The following ALPK2 variants were observed in gnomAD, a reference collection of about 807,000 sequenced individuals.
ALPK2 encodes alpha-protein kinase 2.
Under a neutral mutation model 163.1 loss-of-function variants are expected in ALPK2, and 127 were observed. That is an observed-to-expected ratio of 0.78 (90% CI 0.67 to 0.90). ALPK2 has a LOEUF of 0.90. Ranked by LOEUF, ALPK2 falls within the 40% of genes least tolerant of loss-of-function variation. ALPK2 has a pLI of 0.00. For missense variants in ALPK2, 2,360 were observed against 2,589.6 expected, an observed-to-expected ratio of 0.91 and a Z score of 1.92; for synonymous variants, 953 against 959.1, an observed-to-expected ratio of 0.99 and a Z score of 0.12.
chr18:58,606,065 T>A (rs991608743), intron 3 of ALPK2, among the ~76,000 whole-genome samples: 19 of 152,148 alleles, frequency 1.2e-4, no homozygotes, highest in African/African-American at 4.3e-4. Flanking sequence ...ATGTCTGATG[T>A]TTATTATTTA....
At chr18:58,502,523 G>GT (rs2051437904) in intron 11 of ALPK2, among the ~76,000 whole-genome samples, 1 of 152,236 alleles carries the variant, frequency 6.6e-6, no homozygotes, top group Non-Finnish European at 1.5e-5. Context: ...GGAAGTGGCA[G>GT]TGCAGGGAAC....
chr18:58,619,329 G>T (rs1032230781), intron 1 of ALPK2, among the ~76,000 whole-genome samples: 1 of 150,564 alleles, frequency 6.6e-6, no homozygotes, highest in African/African-American at 2.5e-5. Context: ...AAAGGTTGGT[G>T]TAAGAAGCAT....
rs941441173 is a variant in ALPK2 at position 58,564,129 on chromosome 18, T to C, written c.1962+14685A>G. Among the ~76,000 whole-genome samples the C allele has an allele frequency of 3.2e-4, 44 of 137,330 alleles. 2 individuals are homozygous for C. Among genetic ancestry groups the C allele is most frequent in the Non-Finnish European group, 6.1e-4 (39 of 64,402 alleles). 90.1% of individuals were successfully genotyped at this position (137,330 alleles called of 152,430 possible). ...CGTATTTGATGTCTTTGTTCTTTTT[T>C]TTTTTTTTTTGAGATGGAGTTTCGC... On this transcript the variant is annotated intron_variant, in intron 4 of 12. Coordinates refer to ENST00000361673, the MANE Select transcript of ALPK2 (RefSeq NM_052947.4).
At position 58,516,962 on chromosome 18, in the gene ALPK2, A is replaced by G. The variant is rs772860868; in HGVS notation, c.5886T>C (p.Tyr1962=). The change falls in exon 9 of 13, where the codon TAT becomes TAC. Residue 1962 remains tyrosine, a synonymous_variant. Transcript: ENST00000361673. ...CVLKVHNAIA[Y]GTRNNDELIQ... Reference sequence around the variant, plus strand: ...TGAGCTCATCATTATTTCTGGTCCCATAGGCAATGGCATTGTGCACCTTAA... The same window carrying G: ...TGAGCTCATCATTATTTCTGGTCCCGTAGGCAATGGCATTGTGCACCTTAA... 1.2e-6 allele frequency: 2 copies of G among 1,614,196 alleles called. No individual in the cohort carries two copies. The highest frequency in any genetic ancestry group is 2.2e-5 in the South Asian group (2 of 91,086).
chr18:58,551,027 T>C (rs2051756828), intron 4 of ALPK2, among the ~76,000 whole-genome samples: 1 of 151,900 alleles, frequency 6.6e-6, no homozygotes, highest in Admixed American at 6.6e-5. Context: ...TACAATTCTC[T>C]TCACCTTATC....
intron 10 of ALPK2, among the ~76,000 whole-genome samples, chr18:58,507,367 G>A (rs2051467141): frequency 6.6e-6 from 1 of 152,168 alleles, no homozygotes; most frequent in Non-Finnish European, 1.5e-5. Context: ...CTCAAAAATG[G>A]CATGGGTTTT....
At chr18:58,531,336 A>G (rs1398225505) in intron 5 of ALPK2, among the ~76,000 whole-genome samples, 1 of 152,066 alleles carries the variant, frequency 6.6e-6, no homozygotes, top group Non-Finnish European at 1.5e-5. Context: ...TCCTTTGGGG[A>G]TAGCAGGGTG....
rs557911766 is a variant in ALPK2 at position 58,580,048 on chromosome 18, G to A, written c.728C>T (p.Thr243Met). Reference sequence around the variant, plus strand: ...ACCATCATTGTTCAGGTCACCATCCGTGAACTTTGATGCCATGGAATGCAC... The same window carrying A: ...ACCATCATTGTTCAGGTCACCATCCATGAACTTTGATGCCATGGAATGCAC... ...KTVHSMASKF[T>M]DGDLNNDGPH... Residue 243 changes from threonine to methionine, a missense_variant, in exon 4 of 13, where the codon ACG (threonine) becomes ATG (methionine). Physicochemically the swap from Thr to Met is moderately conservative, Grantham distance 81 (BLOSUM62 -1). Coordinates refer to ENST00000361673, the MANE Select transcript of ALPK2 (RefSeq NM_052947.4). The A allele has an allele frequency of 2.2e-5, 35 of 1,614,234 alleles. No individual in the cohort carries two copies. The East Asian group carries it at 4.7e-4, about 22-fold the overall frequency.
chr18:58,587,548 A>G (rs1216278760), intron 3 of ALPK2, among the ~76,000 whole-genome samples: 2 of 152,242 alleles, frequency 1.3e-5, no homozygotes, highest in African/African-American at 2.4e-5. Context: ...AGACATAGAA[A>G]TTATACATAC....
At chr18:58,610,275 C>CAAAAAAAAA (rs74183283) in intron 2 of ALPK2, among the ~76,000 whole-genome samples, 1 of 61,900 alleles carries the variant, frequency 1.6e-5, no homozygotes. Flanking sequence ...GACCCTGTCT[C>CAAAAAAAAA]AAAAAAAAAA....
At chr18:58,490,644 T>C (rs1230867778) in intron 12 of ALPK2, among the ~76,000 whole-genome samples, 1 of 151,808 alleles carries the variant, frequency 6.6e-6, no homozygotes, top group African/African-American at 2.4e-5. Flanking sequence ...AAAAAAAGAA[T>C]ACAAAAAGTT....
chr18:58,517,223 A>G lies in ALPK2; in HGVS notation c.5666-41T>C, dbSNP rs763629489. Reference sequence around the variant, plus strand: ...GCTTTGGTTGGAAAGAATACCTCCCAGTCCTGCTCCTTGGCTAACTCCACA... The same window carrying G: ...GCTTTGGTTGGAAAGAATACCTCCCGGTCCTGCTCCTTGGCTAACTCCACA... On this transcript the variant is annotated intron_variant, in intron 8 of 12. Transcript: ENST00000361673. 7 of 1,588,310 alleles carry G rather than the reference A, an allele frequency of 4.4e-6. No homozygotes were observed. The African/African-American group carries it at 9.4e-5, about 21-fold the overall frequency.
At position 58,583,495 on chromosome 18, in the gene ALPK2, C is replaced by A. The variant is rs375324822; in HGVS notation, c.228-2947G>T. ...TTTCAATTAATTCTTGGAGATTTGG[C>A]CTCCATTAAGCACTGACAGCATAAA... On this transcript the variant is annotated intron_variant, in intron 3 of 12. Transcript: ENST00000361673. Among the ~76,000 whole-genome samples, 33 of 151,980 alleles carry A rather than the reference C, an allele frequency of 2.2e-4. No homozygotes were observed. The East Asian group carries it at 5.2e-3, about 24-fold the overall frequency.
chr18:58,524,047 G>A lies in ALPK2; in HGVS notation c.5517C>T (p.Ser1839=). ...CTTGCACGATGGCAAAGGAAACAGT[G>A]GAGTTGTCCCCTGCACTGCAATGAG... ...AQVQRSAGDN[S]TVSFAIVQAS... Residue 1839 remains serine (S), a synonymous_variant, in exon 7 of 13, where the codon TCC becomes TCT. Coordinates refer to ENST00000361673, the MANE Select transcript of ALPK2 (RefSeq NM_052947.4). 6.2e-7 allele frequency: 1 copy of A among 1,613,590 alleles called. No homozygotes were observed. The highest frequency in any genetic ancestry group is 8.5e-7 in the Non-Finnish European group (1 of 1,179,630).
At chr18:58,502,180 A>ACACACACAC (rs1568067735) in intron 11 of ALPK2, among the ~76,000 whole-genome samples, 56 of 130,072 alleles carry the variant, frequency 4.3e-4, no homozygotes, top group African/African-American at 1.4e-3. Context: ...ACACACACAC[A>ACACACACAC]AAGAAAAAAA....
chr18:58,581,972 C>T (rs1003512358), intron 3 of ALPK2, among the ~76,000 whole-genome samples: 5 of 152,140 alleles, frequency 3.3e-5, no homozygotes, highest in Admixed American at 1.3e-4. Flanking sequence ...CTCATAAACC[C>T]TCAAGTGTTG....
At chr18:58,608,656 C>T (rs1019998223) in intron 2 of ALPK2, among the ~76,000 whole-genome samples, 2 of 152,096 alleles carry the variant, frequency 1.3e-5, no homozygotes, top group African/African-American at 2.4e-5. Flanking sequence ...AGATGAGAAC[C>T]GCATGTTCTG....
chr18:58,534,728 TG>T, intron 5 of ALPK2, 105 bp downstream of exon 5: 1 of 1,418,934 alleles, frequency 7.0e-7, no homozygotes, highest in Non-Finnish European at 9.5e-7. Flanking sequence ...AATGCCCACC[TG>T]GGGGACACTG....
At position 58,517,182 on chromosome 18, in the gene ALPK2, C is replaced by T; in HGVS notation, c.5666G>A (p.Gly1889Glu). Residue 1889 changes from glycine to glutamate, a missense_variant and splice_region_variant, in exon 9 of 13, where the codon GGA becomes GAA. By Grantham distance (98) the Gly-to-Glu change is moderately conservative (BLOSUM62 -2). Transcript: ENST00000361673. ...KQLSSRQDTK[G>E]CEEIEFSQLI... Reference sequence around the variant, plus strand: ...TTGGCTGAATTCAATCTCTTCACATCCTGAAACACAGCACAGCTTTGGTTG... The same window carrying T: ...TTGGCTGAATTCAATCTCTTCACATTCTGAAACACAGCACAGCTTTGGTTG... 2 of 1,612,744 alleles carry T rather than the reference C, an allele frequency of 1.2e-6. No homozygotes were observed. The highest frequency in any genetic ancestry group is 8.5e-7 in the Non-Finnish European group (1 of 1,178,958).
Sources: allele counts gnomAD v4.1 joint callset (sites outside exome capture counted in the v4.1 genomes callset), GRCh38; gene constraint gnomAD v4.1.1; transcripts MANE v1.5; gene names NCBI Gene and HGNC (gene_info 2026-07-23, HGNC 2026-07-21).